Variants in UHRF1 observed in about 807,000 individuals in gnomAD.
UHRF1 encodes the protein ubiquitin like with PHD and ring finger domains 1, also known as E3 ubiquitin-protein ligase UHRF1.
Under a neutral mutation model 96.5 loss-of-function variants are expected in UHRF1, and 9 were observed. The ratio of observed to expected loss-of-function variants is 0.09; its 90% CI spans 0.06 to 0.16. UHRF1 has a LOEUF of 0.16. Ranked by LOEUF, UHRF1 falls within the 10% of genes least tolerant of loss-of-function variation. UHRF1 has a pLI of 1.00. For missense variants in UHRF1, 626 were observed against 1,131.1 expected, an observed-to-expected ratio of 0.55 and a Z score of 6.40; for synonymous variants, 455 against 469.9, an observed-to-expected ratio of 0.97 and a Z score of 0.41.
At chr19:4,916,835 AG>A (rs1167614598) in intron 2 of UHRF1, among the ~76,000 whole-genome samples, 1 of 152,070 alleles carries the variant, frequency 6.6e-6, no homozygotes, top group Admixed American at 6.6e-5. Context: ...CCTTCCCCCC[AG>A]GTCCCGTCAG....
rs1336132478 is a variant in UHRF1, at chr19:4,941,589, C to T, written c.847C>T (p.Pro283Ser). Residue 283 changes from proline (P) to serine (S), a missense_variant, in exon 6 of 17, where the codon CCG becomes TCG. Transcript: ENST00000650932. ...FVDEVFKIERPGEGSPMVDNP... is the reference protein window; with the variant it reads ...FVDEVFKIERSGEGSPMVDNP... The stretch of plus-strand genomic sequence containing the variant: ...GGACGAAGTCTTCAAGATTGAGCGG[C>T]CGGGTGAAGGGAGCCCCATGGTTGA... The T allele has an allele frequency of 6.2e-7, 1 of 1,613,620 alleles. No homozygotes were observed. Among genetic ancestry groups the T allele is most frequent in the Non-Finnish European group, 8.5e-7 (1 of 1,179,800 alleles).
In UHRF1 at chr19:4,944,209, C is replaced by T. The variant is rs767844561; in HGVS notation, c.1151C>T (p.Ala384Val). 3 of 1,614,004 alleles carry T rather than the reference C, an allele frequency of 1.9e-6. No individual in the cohort carries two copies. Among genetic ancestry groups the T allele is most frequent in the Admixed American group, 1.7e-5 (1 of 60,026 alleles). The change falls in exon 8 of 17, where the codon GCG (alanine) becomes GTG (valine). Residue 384 changes from alanine (A) to valine (V), a missense_variant. This residue lies in a region of UHRF1 where 69 missense variants were observed against 159.8 expected (regional missense o/e 0.43). Transcript: ENST00000650932. ...CGGCTGAGAGAGAGCAAGAAGAAGG[C>T]GAAGATGGCCTCGGCCACATCGTCC... is the stretch of plus-strand genomic sequence containing the variant. The part of the protein sequence containing the change: ...GERLRESKKK[A>V]KMASATSSSQ...
At chr19:4,929,978 T>C (rs1342978801) in intron 3 of UHRF1, among the ~76,000 whole-genome samples, 1 of 151,984 alleles carries the variant, frequency 6.6e-6, no homozygotes, top group Non-Finnish European at 1.5e-5. Flanking sequence ...TTTTATTTTA[T>C]TTTATTACTT....
At chr19:4,917,584 G>A (rs2032563609) in intron 2 of UHRF1, among the ~76,000 whole-genome samples, 1 of 149,656 alleles carries the variant, frequency 6.7e-6, no homozygotes, top group Non-Finnish European at 1.5e-5. Flanking sequence ...AACCCAGGAG[G>A]TGGAGGTTGC....
upstream of UHRF1, among the ~76,000 whole-genome samples, chr19:4,907,590 G>T (rs928534891): frequency 6.6e-6 from 1 of 151,052 alleles, no homozygotes; most frequent in Admixed American, 6.6e-5. Context: ...TCATCTTACA[G>T]TTTGGGAGGT....
At chr19:4,958,352 G>C (rs994760547) in intron 16 of UHRF1, among the ~76,000 whole-genome samples, 1 of 152,240 alleles carries the variant, frequency 6.6e-6, no homozygotes, top group African/African-American at 2.4e-5. Context: ...CTGGATGCCA[G>C]GTTGTTGTGA....
intron 11 of UHRF1, among the ~76,000 whole-genome samples, chr19:4,948,127 C>T (rs961689609): frequency 3.3e-5 from 5 of 150,680 alleles, no homozygotes; most frequent in Admixed American, 1.3e-4. Flanking sequence ...AAAACCCCTC[C>T]AAAATAGATT....
At chr19:4,956,854 G>A (rs1443017282) in intron 16 of UHRF1, 41 bp downstream of exon 16, 2 of 1,450,142 alleles carry the variant, frequency 1.4e-6, no homozygotes. Flanking sequence ...GAAGGTTCTG[G>A]AAGGATGACC....
At chr19:4,903,406 G>A (rs989462586) in exon 1 of UHRF1, 5 of 153,452 alleles carry the variant, frequency 3.3e-5, no homozygotes, top group Admixed American at 1.3e-4. Context: ...TCTGCCTCCC[G>A]GGTTCAAGCA....
chr19:4,909,603 C>T lies in UHRF1; in HGVS notation c.-63C>T. ...GCCACGCACGCGGTTTCATCGCCATCCCCAGCCGGGCCACGCGCGCAGGCA... is the reference window on the plus strand; with the variant it reads ...GCCACGCACGCGGTTTCATCGCCATTCCCAGCCGGGCCACGCGCGCAGGCA... On this transcript the variant is annotated 5_prime_UTR_variant, in exon 1 of 17. Transcript: ENST00000650932. The T allele has an allele frequency of 1.6e-6, 1 of 641,366 alleles. No individual in the cohort carries two copies. Among genetic ancestry groups the T allele is most frequent in the Non-Finnish European group, 2.8e-6 (1 of 358,960 alleles). The allele number at this position is 641,366 out of a possible 1,614,324, so 39.7% of individuals were successfully genotyped here.
At chr19:4,953,429 C>T (rs1252530581) in intron 13 of UHRF1, among the ~76,000 whole-genome samples, 2 of 152,126 alleles carry the variant, frequency 1.3e-5, no homozygotes, top group African/African-American at 4.8e-5. Context: ...TTTAGCATTT[C>T]CAAATTGTCA....
At position 4,930,934 on chromosome 19, in the gene UHRF1, G is replaced by T. The variant is rs966962634; in HGVS notation, c.569+58G>T. 10 of 1,600,804 alleles carry T rather than the reference G, an allele frequency of 6.2e-6. No homozygotes were observed. The highest frequency in any genetic ancestry group is 2.2e-5 in the South Asian group (2 of 89,826). On this transcript the variant is annotated intron_variant, in intron 4 of 16. Coordinates refer to ENST00000650932, the MANE Select transcript of UHRF1 (RefSeq NM_001048201.3). This position sits in a 1 kb window ranked among gnomAD's most constrained non-coding sequence, Gnocchi z 4.4. ...TCAGGCTCTGTGACGCGCATCCTTG[G>T]CTGCGGGTGTTCAGGCCAGAGCTTG...
intron 2 of UHRF1, among the ~76,000 whole-genome samples, chr19:4,928,870 C>A (rs1457265838): frequency 6.6e-6 from 1 of 152,214 alleles, no homozygotes; most frequent in Non-Finnish European, 1.5e-5. Context: ...AGAGGTGACA[C>A]ATGTTCACTG....
At chr19:4,923,853 T>C (rs1333357268) in intron 2 of UHRF1, among the ~76,000 whole-genome samples, 1 of 152,226 alleles carries the variant, frequency 6.6e-6, no homozygotes, top group African/African-American at 2.4e-5. Flanking sequence ...GCAAGAGCAG[T>C]GTGCCTGGCC....
At chr19:4,907,461 G>T (rs779382086), upstream of UHRF1, among the ~76,000 whole-genome samples, 1 of 151,958 alleles carries the variant, frequency 6.6e-6, no homozygotes. Flanking sequence ...TAGAGATGGG[G>T]TTTCACCATG....
chr19:4,943,389 T>A (rs1010360220), intron 7 of UHRF1, among the ~76,000 whole-genome samples: 4 of 151,796 alleles, frequency 2.6e-5, no homozygotes, highest in African/African-American at 9.7e-5. Context: ...GCGCACATAA[T>A]GACAATTGCG....
intron 5 of UHRF1, among the ~76,000 whole-genome samples, chr19:4,934,737 C>G (rs1015079402): frequency 3.9e-5 from 6 of 152,112 alleles, no homozygotes; most frequent in Non-Finnish European, 8.8e-5. Flanking sequence ...ACGCAGAGGT[C>G]CTGGGCTGGG....
rs769524307 is a variant in UHRF1, at chr19:4,929,300, G to A, written c.232G>A (p.Val78Met). 6.8e-6 allele frequency: 11 copies of A among 1,613,698 alleles called. No individual in the cohort carries two copies. Among genetic ancestry groups the A allele is most frequent in the East Asian group, 6.7e-5 (3 of 44,894 alleles). The change falls in exon 3 of 17, where the codon GTG (valine) becomes ATG (methionine). Residue 78 changes from valine to methionine, a missense_variant. Physicochemically the swap from Val to Met is conservative, Grantham distance 21. Transcript: ENST00000650932. ...CCAGCTCCTGGTCCGCCAGAGCCTC[G>A]TGCTCCCCCACAGCACCAAGGAGCG... ...TIQLLVRQSL[V>M]LPHSTKERDS...
intron 2 of UHRF1, among the ~76,000 whole-genome samples, chr19:4,914,251 C>CG (rs2032404687): frequency 6.6e-6 from 1 of 151,966 alleles, no homozygotes. Flanking sequence ...TGGACAGTGG[C>CG]GGGAAGGCGG....
Sources: gnomAD v4.1 joint callset for allele counts (sites outside exome capture counted in the v4.1 genomes callset) on GRCh38, gnomAD v4.1.1 for gene constraint, gnomAD v4.1.1 regional missense constraint, Gnocchi (gnomAD v3.1) non-coding constraint, MANE v1.5 for transcripts, NCBI Gene and HGNC (gene_info 2026-07-23, HGNC 2026-07-21) for gene names.